The following SPOCK2 variants were observed in gnomAD, a reference collection of about 807,000 sequenced individuals.
SPOCK2 encodes testican-2.
Under a neutral mutation model 60.1 loss-of-function variants are expected in SPOCK2, and 39 were observed. The observed-to-expected ratio is 0.65, with a 90% CI of 0.50 to 0.85. The LOEUF (loss-of-function observed/expected upper bound fraction) is 0.85. SPOCK2 is among the 40% of genes least tolerant of loss of function. SPOCK2 has a pLI of 0.00. For missense variants in SPOCK2, 523 were observed against 567.4 expected (o/e 0.92, Z 0.80); for synonymous variants, 217 against 231.5 (o/e 0.94, Z 0.57).
At chr10:72,083,328 C>T (rs1840814434) in intron 1 of SPOCK2, among the ~76,000 whole-genome samples, 1 of 152,360 alleles carries the variant, frequency 6.6e-6, no homozygotes, top group Admixed American at 6.5e-5. Flanking sequence ...CCTGGAGTGA[C>T]AGCATGCTAA....
chr10:72,078,413 A>C (rs1487849794), intron 1 of SPOCK2, among the ~76,000 whole-genome samples: 2 of 152,182 alleles, frequency 1.3e-5, no homozygotes, highest in Admixed American at 1.3e-4. Context: ...CGGGAGGCTG[A>C]GACAGGAGAA....
chr10:72,070,286 C>G, intron 5 of SPOCK2, 26 bp downstream of exon 5: 1 of 1,611,086 alleles, frequency 6.2e-7, no homozygotes, highest in Non-Finnish European at 8.5e-7. Flanking sequence ...TCCACCCCCA[C>G]CCTACCTGGG....
intron 1 of SPOCK2, chr10:72,086,824 C>CA: frequency 6.5e-7 from 1 of 1,537,518 alleles, no homozygotes; most frequent in East Asian, 2.5e-5. Flanking sequence ...CTGACGGTAA[C>CA]AAAAAGATCC....
chr10:72,067,095 G>C lies in SPOCK2; in HGVS notation c.735C>G (p.Ser245Arg), dbSNP rs1237715324. The change falls in exon 8 of 11, where the codon AGC becomes AGG. Residue 245 changes from serine (S) to arginine (R), a missense_variant. Coordinates refer to ENST00000373109, the MANE Select transcript of SPOCK2 (RefSeq NM_001244950.2). ...ASGLDKSLGA[S>R]CKDSIGWMFS... ...ACATCCAGCCAATGGAGTCCTTGCAGCTGGCCCCCAGGCTCTTGTCCAGCC... is the reference window on the plus strand; with the variant it reads ...ACATCCAGCCAATGGAGTCCTTGCACCTGGCCCCCAGGCTCTTGTCCAGCC... 1 of 1,614,108 alleles carries C rather than the reference G, an allele frequency of 6.2e-7. No homozygotes were observed. Among genetic ancestry groups the C allele is most frequent in the Non-Finnish European group, 8.5e-7 (1 of 1,180,020 alleles).
intron 2 of SPOCK2, 135 bp from the exon 3 acceptor site, chr10:72,072,683 G>A: frequency 7.4e-7 from 1 of 1,360,132 alleles, no homozygotes; most frequent in African/African-American, 1.6e-5. Flanking sequence ...GCTGACCCCT[G>A]TCCACCCAGG....
At chr10:72,086,218 G>A in intron 1 of SPOCK2, 3 of 986,390 alleles carry the variant, frequency 3.0e-6, no homozygotes, top group Non-Finnish European at 3.6e-6. Context: ...TGCAAGTCCT[G>A]AAGACTTTCA....
chr10:72,074,760 G>A (rs76636371), intron 1 of SPOCK2, among the ~76,000 whole-genome samples: 6,590 of 152,208 alleles, frequency 0.043, 497 homozygotes, highest in African/African-American at 0.15. Context: ...GAGAGCCCAC[G>A]GCGGCTCTCT....
chr10:72,072,427 G>A (rs370753905), intron 3 of SPOCK2, 76 bp downstream of exon 3: 39 of 1,599,956 alleles, frequency 2.4e-5, no homozygotes, highest in East Asian at 1.1e-4. Flanking sequence ...GCCCCCAAGC[G>A]GGCTAAGGGC....
rs1840625524 is a variant in SPOCK2 at position 72,070,068 on chromosome 10, C to T, written c.474+244G>A. The T allele has an allele frequency of 1.8e-5, 8 of 452,624 alleles. No individual in the cohort carries two copies. In the South Asian group the frequency reaches 2.4e-4, roughly 14 times the overall value. 28.0% of individuals were successfully genotyped at this position (452,624 alleles called of 1,614,324 possible). ...TGACCATAGTGTCTCTTCCAGGCCC[C>T]ACTCCCCACCTGCACCTGTCCGAGG... On this transcript the variant is annotated intron_variant, in intron 5 of 10. Coordinates refer to ENST00000373109, the MANE Select transcript of SPOCK2 (RefSeq NM_001244950.2).
intron 1 of SPOCK2, 25 bp from the exon 2 acceptor site, chr10:72,072,935 G>T: frequency 6.4e-7 from 1 of 1,554,294 alleles, no homozygotes; most frequent in Non-Finnish European, 8.7e-7. Context: ...ACAGCAGCAG[G>T]CCATGGAAAA....
Position 72,088,502 on chromosome 10 carries a change from G to A in SPOCK2, c.-174C>T. 1.4e-6 allele frequency: 1 copy of A among 704,680 alleles called. No individual in the cohort carries two copies. The highest frequency in any genetic ancestry group is 2.3e-6 in the Non-Finnish European group (1 of 443,720). The allele number at this position is 704,680 out of a possible 1,614,324, so 43.7% of individuals were successfully genotyped here. A position where few individuals can be genotyped will look rare whatever the true frequency, so the allele number is the denominator to read the frequency against. Reference sequence around the variant, plus strand: ...CTGAAATGTGACCTGGTTAGGAGATGCACTTGTCTGAAAAAGCCCAGCACT... The same window carrying A: ...CTGAAATGTGACCTGGTTAGGAGATACACTTGTCTGAAAAAGCCCAGCACT... On this transcript the variant is annotated 5_prime_UTR_variant, in exon 1 of 11. Transcript: ENST00000373109.
chr10:72,067,236 G>T, intron 7 of SPOCK2, 116 bp from the exon 8 acceptor site: 2 of 1,065,846 alleles, frequency 1.9e-6, no homozygotes, highest in Non-Finnish European at 1.3e-6. Flanking sequence ...TGGGCAGCTT[G>T]GAATCTAACC....
intron 4 of SPOCK2, among the ~76,000 whole-genome samples, chr10:72,071,212 C>T (rs1420348151): frequency 6.0e-5 from 9 of 150,550 alleles, no homozygotes; most frequent in Admixed American, 2.7e-4. Flanking sequence ...TTTTTTGAGA[C>T]GGAGTCTCAC....
chr10:72,075,414 G>A (rs368327263), intron 1 of SPOCK2, among the ~76,000 whole-genome samples: 65 of 152,248 alleles, frequency 4.3e-4, no homozygotes, highest in African/African-American at 1.5e-3. Context: ...CAGAGTGGAA[G>A]TAGGGAAGGT....
intron 1 of SPOCK2, among the ~76,000 whole-genome samples, chr10:72,081,129 C>T (rs1308925939): frequency 1.3e-5 from 2 of 152,166 alleles, no homozygotes; most frequent in African/African-American, 4.8e-5. Flanking sequence ...AGGGGAAGAG[C>T]CCCAGGCCAC....
chr10:72,063,952 A>G (rs945241779), intron 9 of SPOCK2, among the ~76,000 whole-genome samples: 2 of 152,250 alleles, frequency 1.3e-5, no homozygotes, highest in African/African-American at 4.8e-5. Context: ...ATGGATGGGC[A>G]TAAAATTAGT....
chr10:72,078,609 G>A (rs1840746692), intron 1 of SPOCK2, among the ~76,000 whole-genome samples: 1 of 152,216 alleles, frequency 6.6e-6, no homozygotes, highest in Non-Finnish European at 1.5e-5. Flanking sequence ...CGGGTTCCCA[G>A]TCACCTACAG....
At chr10:72,081,090 G>A (rs1275979411) in intron 1 of SPOCK2, among the ~76,000 whole-genome samples, 1 of 152,160 alleles carries the variant, frequency 6.6e-6, no homozygotes, top group Non-Finnish European at 1.5e-5. Flanking sequence ...AAGACCCCAG[G>A]GCTGGAGCTG....
Position 72,062,823 on chromosome 10 carries a change from G to C in SPOCK2, c.1212C>G (p.Gly404=). 6.2e-7 allele frequency: 1 copy of C among 1,609,436 alleles called. No homozygotes were observed. Among genetic ancestry groups the C allele is most frequent in the Non-Finnish European group, 8.5e-7 (1 of 1,179,418 alleles). Residue 404 remains glycine (G), a synonymous_variant, in exon 11 of 11, where the codon GGC becomes GGG. Coordinates refer to ENST00000373109, the MANE Select transcript of SPOCK2 (RefSeq NM_001244950.2). This position sits in a 1 kb window ranked among gnomAD's most constrained non-coding sequence, Gnocchi z 4.3. ...CGCCCTCCTCCTCCTCGGCCTCCTC[G>C]CCTGCTTCCTCCGTCTCCTTCTCCT... ...DEEEKETEEA[G]EEAEEEEGEA...
Sources: gnomAD v4.1 joint callset for allele counts (sites outside exome capture counted in the v4.1 genomes callset) on GRCh38, gnomAD v4.1.1 for gene constraint, Gnocchi (gnomAD v3.1) non-coding constraint, MANE v1.5 for transcripts, NCBI Gene and HGNC (gene_info 2026-07-23, HGNC 2026-07-21) for gene names.